Variants in SPACA7 observed in about 807,000 individuals in gnomAD.
SPACA7 encodes sperm acrosome associated 7, also known as sperm acrosome-associated protein 7.
Under a neutral mutation model 26.3 loss-of-function variants are expected in SPACA7, and 19 were observed. The ratio of observed to expected loss-of-function variants is 0.72; its 90% CI spans 0.50 to 1.06. SPACA7 has a LOEUF of 1.06. Ranked by LOEUF, SPACA7 falls within the 50% of genes least tolerant of loss-of-function variation. The probability of loss-of-function intolerance (pLI) is 0.00; values close to 1 mark genes in which losing one functional copy is unlikely to be tolerated. For synonymous variants in SPACA7, 84 were observed against 84.5 expected (o/e 0.99, Z 0.04); for missense variants, 211 against 229.9 (o/e 0.92, Z 0.53).
rs1273380946 is a variant in SPACA7, at chr13:112,394,353, G to A, written c.151+1276G>A. Reference sequence around the variant, plus strand: ...CCAGCATTGCCTGTGGAGTGGGGTCGGGGTAGAGGATGGGGCCACCTTCCA... The same window carrying A: ...CCAGCATTGCCTGTGGAGTGGGGTCAGGGTAGAGGATGGGGCCACCTTCCA... On this transcript the variant is annotated intron_variant, in intron 2 of 6. Coordinates refer to ENST00000283550, the MANE Select transcript of SPACA7 (RefSeq NM_145248.5). Among the ~76,000 whole-genome samples, 13 of 151,838 alleles carry A rather than the reference G, an allele frequency of 8.6e-5. 1 individual carries two copies. The highest frequency in any genetic ancestry group is 2.4e-4 in the African/African-American group (10 of 41,384).
intron 1 of SPACA7, 91 bp downstream of exon 1, chr13:112,376,570 A>G (rs773779803): frequency 8.2e-6 from 11 of 1,339,482 alleles, no homozygotes; most frequent in East Asian, 2.6e-5. Flanking sequence ...CTTATTCCCA[A>G]CCTACATGAA....
At chr13:112,377,447 C>T (rs1435737561) in intron 1 of SPACA7, among the ~76,000 whole-genome samples, 2 of 152,144 alleles carry the variant, frequency 1.3e-5, no homozygotes, top group Non-Finnish European at 2.9e-5. Context: ...TCATGAACCT[C>T]CATGTATTCA....
At chr13:112,412,376 T>C (rs902903240) in intron 5 of SPACA7, among the ~76,000 whole-genome samples, 1 of 152,158 alleles carries the variant, frequency 6.6e-6, no homozygotes, top group Non-Finnish European at 1.5e-5. Flanking sequence ...GTCAGATGGA[T>C]AGTTTGCAAA....
At chr13:112,432,380 A>G in intron 5 of SPACA7, 64 bp from the exon 6 acceptor site, 1 of 1,361,988 alleles carries the variant, frequency 7.3e-7, no homozygotes, top group Non-Finnish European at 1.0e-6. Context: ...AGTTAAAGGA[A>G]AAGTGGAATC....
chr13:112,416,816 G>A lies in SPACA7; in HGVS notation c.446-15628G>A, dbSNP rs1465321966. On this transcript the variant is annotated intron_variant, in intron 5 of 6. Coordinates refer to ENST00000283550, the MANE Select transcript of SPACA7 (RefSeq NM_145248.5). ...ATATGATTATGAGTTGTGTGTGTGT[G>A]TGTGTGTGTGTGTGTGTATCCACCT... Among the ~76,000 whole-genome samples, 3 of 151,926 alleles carry A rather than the reference G, an allele frequency of 2.0e-5. No homozygotes were observed. In the South Asian group the frequency reaches 6.2e-4, roughly 32 times the overall value.
intron 5 of SPACA7, among the ~76,000 whole-genome samples, chr13:112,429,281 C>A (rs1876832338): frequency 6.6e-6 from 1 of 151,576 alleles, no homozygotes; most frequent in Non-Finnish European, 1.5e-5. Context: ...GAGGCTGAGG[C>A]AGGAGGATGG....
At chr13:112,420,533 GA>G (rs60728031) in intron 5 of SPACA7, among the ~76,000 whole-genome samples, 99,619 of 151,624 alleles carry the variant, frequency 0.66, 33,237 homozygotes, top group African/African-American at 0.78. Context: ...AACATAAAGG[GA>G]AAAAAAAGAA....
chr13:112,412,268 C>A (rs931841201), intron 5 of SPACA7, among the ~76,000 whole-genome samples: 1 of 152,016 alleles, frequency 6.6e-6, no homozygotes, highest in Non-Finnish European at 1.5e-5. Flanking sequence ...AGATCTTTTG[C>A]CCATTTTTAA....
At chr13:112,433,085 G>A (rs1877338138) in intron 6 of SPACA7, among the ~76,000 whole-genome samples, 1 of 152,030 alleles carries the variant, frequency 6.6e-6, no homozygotes, top group Non-Finnish European at 1.5e-5. Context: ...AGCCAGTCCT[G>A]GGTGAGGCTG....
At chr13:112,381,495 A>C (rs367608130) in intron 1 of SPACA7, among the ~76,000 whole-genome samples, 98 of 30,194 alleles carry the variant, frequency 3.2e-3, no homozygotes, top group Middle Eastern at 0.016. Context: ...CCTGTCCCCC[A>C]AAAAAAAAAA....
chr13:112,400,948 T>TA, intron 4 of SPACA7, 121 bp from the exon 5 acceptor site: 1 of 722,652 alleles, frequency 1.4e-6, no homozygotes, highest in African/African-American at 1.8e-5. Context: ...TATTTTCAAA[T>TA]AAAACTTGAA....
At chr13:112,399,014 C>A (rs1469875274) in intron 3 of SPACA7, 52 bp from the exon 4 acceptor site, 9 of 1,082,894 alleles carry the variant, frequency 8.3e-6, no homozygotes, top group African/African-American at 1.6e-5. Flanking sequence ...ATGTTTATAC[C>A]TGTGTAATCA....
chr13:112,424,040 C>T (rs1013267842), intron 5 of SPACA7, among the ~76,000 whole-genome samples: 15 of 152,138 alleles, frequency 9.9e-5, no homozygotes, highest in Non-Finnish European at 1.9e-4. Flanking sequence ...TTAAAGAAAA[C>T]GTCATGAAGC....
rs778221054 is a variant in SPACA7, at chr13:112,408,088, C to T, written c.445+6924C>T. ...AAGTACGCAAATAAATAAACGTAGTCGAGCATATAAACAGAACCAAAGAAA... is the reference window on the plus strand; with the variant it reads ...AAGTACGCAAATAAATAAACGTAGTTGAGCATATAAACAGAACCAAAGAAA... On this transcript the variant is annotated intron_variant, in intron 5 of 6. Coordinates refer to ENST00000283550, the MANE Select transcript of SPACA7 (RefSeq NM_145248.5). 2.0e-4 allele frequency among the ~76,000 whole-genome samples: 30 copies of T among 152,182 alleles called. 1 individual carries two copies. Among genetic ancestry groups the T allele is most frequent in the Admixed American group, 2.6e-4 (4 of 15,288 alleles).
At chr13:112,381,580 A>G (rs943102659) in intron 1 of SPACA7, among the ~76,000 whole-genome samples, 24 of 152,192 alleles carry the variant, frequency 1.6e-4, no homozygotes, top group Admixed American at 5.2e-4. Context: ...CAATTCTTCA[A>G]GACAGGGGAA....
intron 2 of SPACA7, among the ~76,000 whole-genome samples, chr13:112,395,220 C>T (rs557887055): frequency 7.9e-4 from 121 of 152,262 alleles, no homozygotes; most frequent in Middle Eastern, 3.4e-3. Context: ...GCTCATCAGA[C>T]GGGCGGTGAG....
chr13:112,380,283 T>C (rs1444176212), intron 1 of SPACA7, among the ~76,000 whole-genome samples: 1 of 151,514 alleles, frequency 6.6e-6, no homozygotes. Context: ...TGCATGCCTG[T>C]AACCCCAGCT....
chr13:112,381,893 G>A (rs907663843), intron 1 of SPACA7, among the ~76,000 whole-genome samples: 9 of 152,158 alleles, frequency 5.9e-5, no homozygotes, highest in Admixed American at 5.2e-4. Context: ...AATATCTCAA[G>A]CACTGATCTT....
intron 2 of SPACA7, among the ~76,000 whole-genome samples, chr13:112,397,252 C>T (rs1042796690): frequency 5.9e-5 from 9 of 152,200 alleles, no homozygotes; most frequent in African/African-American, 2.2e-4. Context: ...GGCTGAGGAG[C>T]TTCTTCTTGA....
Sources: gnomAD v4.1 joint callset for allele counts (sites outside exome capture counted in the v4.1 genomes callset) on GRCh38, gnomAD v4.1.1 for gene constraint, MANE v1.5 for transcripts, NCBI Gene and HGNC (gene_info 2026-07-23, HGNC 2026-07-21) for gene names.